EXOC6: variants seen among roughly 807,000 people sequenced by gnomAD.
EXOC6 encodes the protein SEC15-like 1.
EXOC6 carries 60 observed loss-of-function variants against 112.5 expected under a neutral mutation model. That is an observed-to-expected ratio of 0.53 (90% CI 0.43 to 0.66). EXOC6 has a LOEUF of 0.66. EXOC6 is among the 30% of genes least tolerant of loss of function. The pLI, the probability that EXOC6 is intolerant of heterozygous loss-of-function variation, is 0.00. For missense variants in EXOC6, 855 were observed against 957.1 expected (o/e 0.89, Z 1.41); for synonymous variants, 295 against 308.0 (o/e 0.96, Z 0.44).
chr10:92,868,292 C>G (rs1226217956), intron 1 of EXOC6, among the ~76,000 whole-genome samples: 1 of 152,088 alleles, frequency 6.6e-6, no homozygotes, highest in Non-Finnish European at 1.5e-5. Context: ...GGCAACCCAG[C>G]TATCCTAGTA....
intron 4 of EXOC6, among the ~76,000 whole-genome samples, chr10:92,898,553 ATGAAT>A (rs1849962626): frequency 6.6e-6 from 1 of 152,198 alleles, no homozygotes; most frequent in South Asian, 2.1e-4. Context: ...TGAAATTTAC[ATGAAT>A]TGTTAAGCTT....
intron 20 of EXOC6, among the ~76,000 whole-genome samples, chr10:93,029,614 G>A (rs553759995): frequency 1.2e-4 from 19 of 152,246 alleles, no homozygotes; most frequent in African/African-American, 4.3e-4. Context: ...AGTGTCTTTT[G>A]ATGAGGAGAA....
intron 1 of EXOC6, among the ~76,000 whole-genome samples, chr10:92,848,901 A>G (rs1362099513): frequency 6.6e-6 from 1 of 151,894 alleles, no homozygotes; most frequent in African/African-American, 2.4e-5. Context: ...CAGGGTCTCT[A>G]ACCCCGGGCC....
chr10:93,041,222 T>G (rs1384158091), intron 20 of EXOC6, among the ~76,000 whole-genome samples: 1 of 145,494 alleles, frequency 6.9e-6, no homozygotes, highest in Admixed American at 7.0e-5. Context: ...CCATGTTAAC[T>G]ACTTGCCTAC....
intron 4 of EXOC6, among the ~76,000 whole-genome samples, chr10:92,896,129 G>GTATATATGTGTATATATA (rs1849767600): frequency 3.1e-5 from 1 of 32,454 alleles, no homozygotes; most frequent in Non-Finnish European, 4.5e-5. Context: ...ATGTGTGTGT[G>GTATATATGTGTATATATA]TGTGTGTGTA....
intron 17 of EXOC6, among the ~76,000 whole-genome samples, chr10:92,956,151 T>TGCG (rs1853683584): frequency 6.6e-6 from 1 of 152,130 alleles, no homozygotes; most frequent in African/African-American, 2.4e-5. Context: ...CTACCTCTTT[T>TGCG]GCGGGTGGAA....
At chr10:92,901,721 G>A (rs1214821633) in intron 5 of EXOC6, 1 of 151,076 alleles carries the variant, frequency 6.6e-6, no homozygotes, top group African/African-American at 2.4e-5. Context: ...GTATGGGTTG[G>A]GAGCAGTGGC....
At chr10:92,920,583 T>A (rs1050267887) in intron 8 of EXOC6, among the ~76,000 whole-genome samples, 3 of 152,138 alleles carry the variant, frequency 2.0e-5, no homozygotes, top group Admixed American at 2.0e-4. Context: ...TTAGGTGGTG[T>A]GTTCTATAGA....
intron 17 of EXOC6, among the ~76,000 whole-genome samples, chr10:92,967,290 T>A (rs1169980951): frequency 6.6e-6 from 1 of 152,188 alleles, no homozygotes; most frequent in African/African-American, 2.4e-5. Flanking sequence ...CTTTTTAGTG[T>A]GATGGTGTGA....
intron 1 of EXOC6, among the ~76,000 whole-genome samples, chr10:92,873,567 T>G (rs1848550014): frequency 6.6e-6 from 1 of 152,186 alleles, no homozygotes; most frequent in South Asian, 2.1e-4. Context: ...TATTAAAGTA[T>G]ATCAATTCTG....
Position 92,940,738 on chromosome 10 carries a change from TC to T in EXOC6, c.1226del (p.Pro409GlnfsTer2). 6.2e-7 allele frequency: 1 copy of T among 1,604,818 alleles called. No individual in the cohort carries two copies. The highest frequency in any genetic ancestry group is 1.1e-5 in the South Asian group (1 of 89,196). On this transcript the variant is annotated frameshift_variant, in exon 13 of 22. Transcript: ENST00000260762. LOFTEE classifies it high-confidence loss of function. Reference sequence around the variant, plus strand: ...TTTTTGTATTTTAGGGTTATGGTTTTCCAGTGAACCGACTTTTTGACCTTTT... The same window carrying T: ...TTTTTGTATTTTAGGGTTATGGTTTTCAGTGAACCGACTTTTTGACCTTTT... ...FADTLQGYGF[P>X]VNRLFDLLFE...
upstream of EXOC6, among the ~76,000 whole-genome samples, chr10:92,846,641 T>C (rs1408180197): frequency 1.3e-5 from 2 of 152,194 alleles, no homozygotes; most frequent in Non-Finnish European, 2.9e-5. Flanking sequence ...TGGATGTGTA[T>C]AGCTGGAATC....
chr10:93,011,529 AG>A (rs1844247274), intron 19 of EXOC6, among the ~76,000 whole-genome samples: 1 of 152,144 alleles, frequency 6.6e-6, no homozygotes, highest in Non-Finnish European at 1.5e-5. Flanking sequence ...CCAAAATACT[AG>A]GATTTATAGG....
At chr10:92,833,574 C>G (rs1470803372), upstream of EXOC6, among the ~76,000 whole-genome samples, 1 of 152,124 alleles carries the variant, frequency 6.6e-6, no homozygotes, top group Non-Finnish European at 1.5e-5. Context: ...GGGTGACAAA[C>G]TGATGCAATC....
chr10:93,019,952 G>A (rs972832349), intron 20 of EXOC6, among the ~76,000 whole-genome samples: 3 of 152,114 alleles, frequency 2.0e-5, no homozygotes, highest in Admixed American at 1.3e-4. Context: ...TCCATATGGT[G>A]AATCACTATT....
At chr10:92,888,446 T>G (rs114116973) in intron 1 of EXOC6, among the ~76,000 whole-genome samples, 1,629 of 152,286 alleles carry the variant, frequency 0.011, 32 homozygotes, top group African/African-American at 0.037. Context: ...GAAAGAACTA[T>G]TGTTCTCTTC....
chr10:93,056,133 T>TA (rs1846528761), intron 20 of EXOC6, among the ~76,000 whole-genome samples: 1 of 152,314 alleles, frequency 6.6e-6, no homozygotes, highest in South Asian at 2.1e-4. Flanking sequence ...TTAAATGGCT[T>TA]AAAGGGGATT....
chr10:92,923,060 C>T (rs139403290), intron 8 of EXOC6, among the ~76,000 whole-genome samples: 226 of 152,250 alleles, frequency 1.5e-3, no homozygotes, highest in Non-Finnish European at 2.5e-3. Flanking sequence ...CTAGAAGCTA[C>T]CCCACATCAG....
upstream of EXOC6, among the ~76,000 whole-genome samples, chr10:92,843,849 G>A (rs1440532552): frequency 2.0e-5 from 3 of 152,012 alleles, no homozygotes; most frequent in South Asian, 2.1e-4. Flanking sequence ...TTAGCCGGGC[G>A]TGGTGGCTGG....
Sources: gnomAD v4.1 joint callset for allele counts (sites outside exome capture counted in the v4.1 genomes callset) on GRCh38, gnomAD v4.1.1 for gene constraint, MANE v1.5 for transcripts, NCBI Gene and HGNC (gene_info 2026-07-23, HGNC 2026-07-21) for gene names.